The following FREM1 variants were observed in gnomAD, a reference collection of about 807,000 sequenced individuals.
FREM1 encodes FRAS1-related extracellular matrix protein 1.
Under a neutral mutation model 210.1 loss-of-function variants are expected in FREM1, and 220 were observed. That is an observed-to-expected ratio of 1.05 (90% confidence interval 0.94 to 1.17). The LOEUF is 1.17. FREM1 is among the 50% of genes most tolerant of loss of function. FREM1 has a pLI of 0.00. For missense variants in FREM1, 3,454 were observed against 2,675.5 expected (o/e 1.29, Z -6.42); for synonymous variants, 1,189 against 980.2 (o/e 1.21, Z -3.98).
At chr9:14,909,403 A>C (rs866864239) in intron 1 of FREM1, among the ~76,000 whole-genome samples, 1 of 152,306 alleles carries the variant, frequency 6.6e-6, no homozygotes, top group South Asian at 2.1e-4. Context: ...CCTCCCCAGC[A>C]CTATCTCTCT....
intron 21 of FREM1, among the ~76,000 whole-genome samples, chr9:14,796,522 G>A (rs1288930506): frequency 6.6e-6 from 1 of 152,188 alleles, no homozygotes; most frequent in African/African-American, 2.4e-5. Context: ...CTTACAGAGA[G>A]AGTGATATGG....
At chr9:14,778,585 G>A (rs564304321) in intron 24 of FREM1, among the ~76,000 whole-genome samples, 1 of 137,602 alleles carries the variant, frequency 7.3e-6, no homozygotes, top group South Asian at 2.5e-4. Context: ...TCCAGCCTGG[G>A]CAACAGACAG....
chr9:14,900,261 G>A (rs535147767), intron 1 of FREM1, among the ~76,000 whole-genome samples: 9 of 152,244 alleles, frequency 5.9e-5, no homozygotes, highest in Admixed American at 3.9e-4. Context: ...TGTCTGAGTG[G>A]GGCCCAGGCA....
chr9:14,887,267 C>T (rs969885283), intron 1 of FREM1, among the ~76,000 whole-genome samples: 1 of 152,134 alleles, frequency 6.6e-6, no homozygotes, highest in South Asian at 2.1e-4. Flanking sequence ...CCTTACAACT[C>T]CCTGAGGTTA....
At chr9:14,769,595 T>G in intron 27 of FREM1, 129 bp downstream of exon 27, 100 of 966,360 alleles carry the variant, frequency 1.0e-4, no homozygotes, top group Non-Finnish European at 1.3e-4. Context: ...ATAAATTCCA[T>G]GAGCTTGTGA....
chr9:14,887,915 A>G (rs1836100792), intron 1 of FREM1, among the ~76,000 whole-genome samples: 1 of 152,134 alleles, frequency 6.6e-6, no homozygotes, highest in African/African-American at 2.4e-5. Flanking sequence ...CTCCTGTCTC[A>G]GCCTCCATAG....
At chr9:14,860,762 C>CATATAT (rs1564101210) in intron 3 of FREM1, among the ~76,000 whole-genome samples, 23 of 83,074 alleles carry the variant, frequency 2.8e-4, no homozygotes, top group East Asian at 5.0e-4. Flanking sequence ...CATATATATG[C>CATATAT]ACATATATAC....
chr9:14,869,426 A>G (rs1200751192), intron 1 of FREM1, among the ~76,000 whole-genome samples, 182 bp from the exon 2 acceptor site: 1 of 152,182 alleles, frequency 6.6e-6, no homozygotes, highest in African/African-American at 2.4e-5. Flanking sequence ...CCATTTCATT[A>G]CCCTGCTTAT....
intron 6 of FREM1, among the ~76,000 whole-genome samples, chr9:14,849,373 C>T (rs893271688): frequency 9.2e-5 from 14 of 152,304 alleles, no homozygotes; most frequent in Non-Finnish European, 1.6e-4. Context: ...TTTTAAATAT[C>T]TCAACTTTAT....
At chr9:14,884,646 A>G (rs547435384) in intron 1 of FREM1, among the ~76,000 whole-genome samples, 1 of 152,306 alleles carries the variant, frequency 6.6e-6, no homozygotes, top group South Asian at 2.1e-4. Flanking sequence ...CTATATGAGC[A>G]TGTATTCTTC....
chr9:14,809,667 G>A (rs1819036520), intron 16 of FREM1, among the ~76,000 whole-genome samples: 2 of 152,148 alleles, frequency 1.3e-5, no homozygotes, highest in Admixed American at 6.5e-5. Context: ...TTAAAAATGT[G>A]TTCATTAGTA....
At chr9:14,825,547 G>GTGTATATATATATATATATATATATA in intron 10 of FREM1, among the ~76,000 whole-genome samples, 1 of 75,930 alleles carries the variant, frequency 1.3e-5, no homozygotes, top group East Asian at 3.1e-4. Context: ...GTGTGTGTGT[G>GTGTATATATATATATATATATATATA]TATATATATA....
intron 22 of FREM1, among the ~76,000 whole-genome samples, chr9:14,792,272 G>GCACAAACACA (rs1554665387): frequency 7.0e-6 from 1 of 142,244 alleles, no homozygotes; most frequent in African/African-American, 2.7e-5. Context: ...ACACACACAC[G>GCACAAACACA]CACACACACA....
intron 24 of FREM1, among the ~76,000 whole-genome samples, chr9:14,783,217 G>C (rs1015801418): frequency 3.3e-5 from 5 of 152,176 alleles, no homozygotes; most frequent in African/African-American, 1.2e-4. Flanking sequence ...AAGGTGAGCA[G>C]CATCCTCTTT....
chr9:14,813,640 GT>G (rs1819784650), intron 15 of FREM1, among the ~76,000 whole-genome samples: 1 of 150,224 alleles, frequency 6.7e-6, no homozygotes, highest in African/African-American at 2.4e-5. Context: ...CCGACAAAAT[GT>G]TTTTCTCTCA....
At chr9:14,773,391 G>A (rs1203300483) in intron 25 of FREM1, among the ~76,000 whole-genome samples, 1 of 152,150 alleles carries the variant, frequency 6.6e-6, no homozygotes, top group African/African-American at 2.4e-5. Context: ...AGACTTATTT[G>A]GGACAGTTTA....
intron 1 of FREM1, among the ~76,000 whole-genome samples, chr9:14,884,575 C>A (rs758673062): frequency 2.3e-4 from 35 of 152,110 alleles, no homozygotes; most frequent in Non-Finnish European, 4.6e-4. Context: ...AATTTAGTAA[C>A]ATAATTGGTG....
chr9:14,847,147 T>C (rs1275650326), intron 7 of FREM1, among the ~76,000 whole-genome samples: 2 of 152,094 alleles, frequency 1.3e-5, no homozygotes, highest in Non-Finnish European at 2.9e-5. Flanking sequence ...AATAGATTGT[T>C]GACCTTTTCC....
chr9:14,905,232 C>T (rs1188981086), intron 1 of FREM1, among the ~76,000 whole-genome samples: 1 of 152,096 alleles, frequency 6.6e-6, no homozygotes, highest in Non-Finnish European at 1.5e-5. Context: ...AGTTGAGTGA[C>T]TAAATGCAAA....
Sources: allele counts gnomAD v4.1 joint callset (sites outside exome capture counted in the v4.1 genomes callset), GRCh38; gene constraint gnomAD v4.1.1; transcripts MANE v1.5; gene names NCBI Gene and HGNC (gene_info 2026-07-23, HGNC 2026-07-21).